Variants in APBA2 observed in about 807,000 individuals in gnomAD.
The protein encoded by APBA2 is amyloid beta precursor protein binding family A member 2, also known as amyloid-beta A4 precursor protein-binding family A member 2.
APBA2 carries 30 observed loss-of-function variants against 75.0 expected under a neutral mutation model. That is an observed-to-expected ratio of 0.40 (90% CI 0.30 to 0.54). The LOEUF is 0.54. APBA2 is among the 20% of genes least tolerant of loss of function. The pLI is 0.49. For missense variants in APBA2, 801 were observed against 1,016.1 expected (o/e 0.79, Z 2.88); for synonymous variants, 444 against 409.6 (o/e 1.08, Z -1.01).
At chr15:29,002,409 C>T (rs2038896152) in intron 3 of APBA2, among the ~76,000 whole-genome samples, 1 of 152,196 alleles carries the variant, frequency 6.6e-6, no homozygotes, top group African/African-American at 2.4e-5. Context: ...ATCGCTTAAT[C>T]TCCTTCAATC....
At chr15:29,006,758 T>C (rs1313253661) in intron 3 of APBA2, among the ~76,000 whole-genome samples, 2 of 152,176 alleles carry the variant, frequency 1.3e-5, no homozygotes. Context: ...TATCGCTACC[T>C]GGCCCCACCC....
At chr15:29,112,124 A>G (rs28725439) in intron 13 of APBA2, among the ~76,000 whole-genome samples, 9,314 of 152,238 alleles carry the variant, frequency 0.061, 970 homozygotes, top group African/African-American at 0.21. Context: ...CCTTCGCCTG[A>G]AGTCCTAGCT....
chr15:28,922,975 A>T (rs1326477863), intron 2 of APBA2, among the ~76,000 whole-genome samples: 2 of 152,118 alleles, frequency 1.3e-5, no homozygotes, highest in African/African-American at 4.8e-5. Context: ...CCTCAGCCAC[A>T]CCTCAGTCAC....
At chr15:29,018,365 C>G (rs2039784480) in intron 3 of APBA2, among the ~76,000 whole-genome samples, 1 of 152,140 alleles carries the variant, frequency 6.6e-6, no homozygotes, top group Non-Finnish European at 1.5e-5. Context: ...TTGATTGCAT[C>G]CATATGATTC....
chr15:28,954,111 C>G (rs1378880547), intron 2 of APBA2, among the ~76,000 whole-genome samples: 1 of 152,094 alleles, frequency 6.6e-6, no homozygotes. Flanking sequence ...ACTCCTGTCT[C>G]TCTTAAACCC....
intron 2 of APBA2, among the ~76,000 whole-genome samples, chr15:28,943,295 C>T (rs537013049): frequency 2.6e-5 from 4 of 152,298 alleles, no homozygotes; most frequent in East Asian, 1.9e-4. Flanking sequence ...GGGAGTGACA[C>T]GGTCCCCTCT....
At chr15:29,041,564 A>G (rs1303310100) in intron 3 of APBA2, among the ~76,000 whole-genome samples, 1 of 152,020 alleles carries the variant, frequency 6.6e-6, no homozygotes, top group Non-Finnish European at 1.5e-5. Flanking sequence ...AACTACATAT[A>G]AATAAGAAAA....
At chr15:28,958,240 C>T (rs1343226885) in intron 2 of APBA2, among the ~76,000 whole-genome samples, 1 of 152,214 alleles carries the variant, frequency 6.6e-6, no homozygotes, top group East Asian at 1.9e-4. Flanking sequence ...CCTAGAAGCA[C>T]ATGCCTAGGA....
At chr15:29,113,719 A>G (rs2044872893) in intron 13 of APBA2, among the ~76,000 whole-genome samples, 157 bp from the exon 14 acceptor site, 1 of 152,204 alleles carries the variant, frequency 6.6e-6, no homozygotes, top group South Asian at 2.1e-4. Context: ...AACATACTGC[A>G]TATCATAAGG....
intron 4 of APBA2, among the ~76,000 whole-genome samples, chr15:29,067,676 C>T (rs1248895953): frequency 6.6e-6 from 1 of 152,176 alleles, no homozygotes; most frequent in African/African-American, 2.4e-5. Flanking sequence ...TTCTGCCATC[C>T]TCTCGCCTTT....
At position 28,984,012 on chromosome 15, in the gene APBA2, A is replaced by T. The variant is rs550037785; in HGVS notation, c.-94-11741A>T. Among the ~76,000 whole-genome samples the T allele has an allele frequency of 3.3e-5, 5 of 152,200 alleles. No individual in the cohort carries two copies. In the East Asian group the frequency reaches 9.7e-4, roughly 30 times the overall value. ...TCTGGGCTAATGAGTGTCCTCTCTG[A>T]AGGTATCCAGAGGCCGTGCAGACAC... On this transcript the variant is annotated intron_variant, in intron 2 of 14. Transcript: ENST00000683413.
chr15:28,910,944 C>G (rs139467076), intron 1 of APBA2, among the ~76,000 whole-genome samples: 1 of 152,100 alleles, frequency 6.6e-6, no homozygotes, highest in Non-Finnish European at 1.5e-5. Context: ...CAATTTCATA[C>G]GGTGTTATTC....
At chr15:29,030,654 A>T (rs1345979190) in intron 3 of APBA2, among the ~76,000 whole-genome samples, 1 of 151,992 alleles carries the variant, frequency 6.6e-6, no homozygotes, top group Non-Finnish European at 1.5e-5. Context: ...TAGCCAGTAC[A>T]GATTCTTTGT....
chr15:29,055,205 CCAG>C (rs2152891004), intron 4 of APBA2, among the ~76,000 whole-genome samples: 1 of 152,262 alleles, frequency 6.6e-6, no homozygotes, highest in South Asian at 2.1e-4. Flanking sequence ...TGTACTCAGA[CCAG>C]CAGGGCAGTG....
chr15:28,978,335 C>T (rs1278120602), intron 2 of APBA2, among the ~76,000 whole-genome samples: 1 of 152,246 alleles, frequency 6.6e-6, no homozygotes, highest in African/African-American at 2.4e-5. Flanking sequence ...TTCATTGTCA[C>T]AGATGACTAT....
intron 4 of APBA2, among the ~76,000 whole-genome samples, chr15:29,056,351 A>G (rs2041884204): frequency 6.6e-6 from 1 of 152,262 alleles, no homozygotes; most frequent in South Asian, 2.1e-4. Context: ...GTCCCCAGCC[A>G]TTGTGGAGGA....
intron 1 of APBA2, among the ~76,000 whole-genome samples, chr15:28,910,248 A>G (rs2033366789): frequency 6.6e-6 from 1 of 152,168 alleles, no homozygotes; most frequent in South Asian, 2.1e-4. Flanking sequence ...AGGACTGACC[A>G]TCTGTCAGAC....
chr15:29,048,684 C>G (rs909709095), intron 3 of APBA2, among the ~76,000 whole-genome samples: 15 of 151,720 alleles, frequency 9.9e-5, no homozygotes, highest in African/African-American at 3.6e-4. Context: ...ACCTGTAATC[C>G]CAGCACTTTG....
chr15:29,092,234 T>C (rs899998828), intron 6 of APBA2, among the ~76,000 whole-genome samples: 2 of 152,172 alleles, frequency 1.3e-5, no homozygotes, highest in African/African-American at 2.4e-5. Flanking sequence ...CATCTCCCCC[T>C]TTACAGGAAA....
Sources: allele counts gnomAD v4.1 joint callset (sites outside exome capture counted in the v4.1 genomes callset), GRCh38; gene constraint gnomAD v4.1.1; transcripts MANE v1.5; gene names NCBI Gene and HGNC (gene_info 2026-07-23, HGNC 2026-07-21).